AMBRA1: variants seen among roughly 807,000 people sequenced by gnomAD.
AMBRA1 encodes the protein activating molecule in BECN1-regulated autophagy protein 1.
In AMBRA1, 47 loss-of-function variants were observed where a neutral mutation model predicts 125.4. The observed-to-expected ratio is 0.37, with a 90% CI of 0.30 to 0.48. The LOEUF (loss-of-function observed/expected upper bound fraction) is 0.48, where lower values mean the gene tolerates loss of function less well. Ranked by LOEUF, AMBRA1 falls within the 20% of genes least tolerant of loss-of-function variation. AMBRA1 has a pLI of 0.99. For synonymous variants in AMBRA1, 626 were observed against 655.5 expected, an observed-to-expected ratio of 0.95 and a Z score of 0.69; for missense variants, 1,331 against 1,693.4, an observed-to-expected ratio of 0.79 and a Z score of 3.76.
intron 1 of AMBRA1, among the ~76,000 whole-genome samples, chr11:46,551,996 C>G (rs1166981996): frequency 1.3e-5 from 2 of 150,790 alleles, no homozygotes; most frequent in East Asian, 3.9e-4. Context: ...CCACTGCACT[C>G]CGGCCTGGGT....
At chr11:46,539,207 A>G (rs376142258) in intron 7 of AMBRA1, among the ~76,000 whole-genome samples, 4 of 152,186 alleles carry the variant, frequency 2.6e-5, no homozygotes, top group South Asian at 2.1e-4. Context: ...TCGTTTTTAT[A>G]TATGTTTGAA....
At chr11:46,524,670 T>A (rs759611371) in intron 7 of AMBRA1, among the ~76,000 whole-genome samples, 6 of 152,230 alleles carry the variant, frequency 3.9e-5, no homozygotes, top group Non-Finnish European at 7.4e-5. Context: ...TCAAGCACAG[T>A]AGCCAGTACA....
chr11:46,448,995 T>C (rs950822408), intron 11 of AMBRA1, among the ~76,000 whole-genome samples: 2 of 152,110 alleles, frequency 1.3e-5, no homozygotes. Flanking sequence ...TTCACTAAAT[T>C]CTACCAAACA....
At chr11:46,535,244 C>T (rs1952414041) in intron 7 of AMBRA1, among the ~76,000 whole-genome samples, 1 of 152,174 alleles carries the variant, frequency 6.6e-6, no homozygotes, top group African/African-American at 2.4e-5. Context: ...TGTATAGTAT[C>T]TTGAATACCA....
chr11:46,507,077 T>C (rs1590979080), intron 9 of AMBRA1, among the ~76,000 whole-genome samples: 1 of 138,426 alleles, frequency 7.2e-6, no homozygotes, highest in Non-Finnish European at 1.5e-5. Context: ...CTCCGGAGGC[T>C]GAGGCAAGAG....
At chr11:46,412,001 A>T (rs1356031284) in intron 15 of AMBRA1, among the ~76,000 whole-genome samples, 1 of 152,190 alleles carries the variant, frequency 6.6e-6, no homozygotes, top group Non-Finnish European at 1.5e-5. Flanking sequence ...GAAGGGAAAG[A>T]GCCACAGCCA....
At chr11:46,441,088 T>C (rs1947978832) in intron 12 of AMBRA1, among the ~76,000 whole-genome samples, 1 of 152,148 alleles carries the variant, frequency 6.6e-6, no homozygotes, top group Non-Finnish European at 1.5e-5. Context: ...GTTTATTGAA[T>C]TAGTAGACAA....
At position 46,494,207 on chromosome 11, in the gene AMBRA1, G is replaced by A; in HGVS notation, c.2340-3C>T. On this transcript the variant is annotated splice_polypyrimidine_tract_variant and splice_region_variant and intron_variant, in intron 9 of 17. Coordinates refer to ENST00000683756, the MANE Select transcript of AMBRA1 (RefSeq NM_001387011.1). ...GCCTGGATCTGTCACCATTGTCCCT[G>A]AAAAAAATAAAAACACTACACATAA... 6.3e-7 allele frequency: 1 copy of A among 1,595,706 alleles called. No homozygotes were observed. The highest frequency in any genetic ancestry group is 8.6e-7 in the Non-Finnish European group (1 of 1,169,448).
At chr11:46,492,409 T>C (rs1236816855) in intron 11 of AMBRA1, among the ~76,000 whole-genome samples, 3 of 152,204 alleles carry the variant, frequency 2.0e-5, no homozygotes, top group African/African-American at 7.2e-5. Flanking sequence ...ACTGCCTCAG[T>C]AGATCCCTCC....
chr11:46,576,375 G>A (rs564893207), intron 1 of AMBRA1, among the ~76,000 whole-genome samples: 13 of 152,204 alleles, frequency 8.5e-5, no homozygotes, highest in Admixed American at 4.6e-4. Context: ...AGATCCTCCC[G>A]CCTCAGACTC....
intron 1 of AMBRA1, among the ~76,000 whole-genome samples, chr11:46,574,591 G>A (rs548550427): frequency 3.4e-4 from 52 of 152,132 alleles, no homozygotes; most frequent in Admixed American, 5.9e-4. Context: ...AGTAGGTTGC[G>A]AAAGTTTGCA....
chr11:46,447,618 T>G (rs1003035480), intron 11 of AMBRA1, among the ~76,000 whole-genome samples: 8 of 151,708 alleles, frequency 5.3e-5, no homozygotes, highest in African/African-American at 1.9e-4. Flanking sequence ...GAGACTGAGG[T>G]GGGATAGCTT....
intron 9 of AMBRA1, among the ~76,000 whole-genome samples, chr11:46,501,635 T>C (rs1950843025): frequency 6.6e-6 from 1 of 152,266 alleles, no homozygotes; most frequent in Non-Finnish European, 1.5e-5. Context: ...AATTTTCACT[T>C]TGCAAACATC....
intron 9 of AMBRA1, among the ~76,000 whole-genome samples, chr11:46,503,325 A>G (rs1950915015): frequency 6.6e-6 from 1 of 152,204 alleles, no homozygotes; most frequent in Non-Finnish European, 1.5e-5. Flanking sequence ...GAAGAGGAAG[A>G]GAGATGGGGG....
Position 46,408,497 on chromosome 11 carries a change from G to A in AMBRA1, c.3403+16C>T, listed in dbSNP as rs886778667. ...GGGTCCCTCTCCCACCCCCTCCAGC[G>A]CCACATGGCTCCTACCTTCACCAGG... On this transcript the variant is annotated intron_variant, in intron 17 of 17. Coordinates refer to ENST00000683756, the MANE Select transcript of AMBRA1 (RefSeq NM_001387011.1). 8.0e-6 allele frequency: 12 copies of A among 1,508,782 alleles called. No homozygotes were observed. Among genetic ancestry groups the A allele is most frequent in the East Asian group, 4.8e-5 (2 of 41,558 alleles). The allele number at this position is 1,508,782 out of a possible 1,614,324, so 93.5% of individuals were successfully genotyped here.
At chr11:46,498,326 C>G (rs545368910) in intron 9 of AMBRA1, among the ~76,000 whole-genome samples, 26 of 152,248 alleles carry the variant, frequency 1.7e-4, no homozygotes, top group Middle Eastern at 6.8e-3. Flanking sequence ...CAGGGAAACA[C>G]CAGAGAAACC....
In AMBRA1 at chr11:46,512,825, T is replaced by TA. The variant is rs1445896214; in HGVS notation, c.2073-13dup. The TA allele has an allele frequency of 1.2e-6, 2 of 1,602,454 alleles. No individual in the cohort carries two copies. The highest frequency in any genetic ancestry group is 1.3e-5 in the African/African-American group (1 of 74,364). On this transcript the variant is annotated splice_polypyrimidine_tract_variant and intron_variant, in intron 7 of 17. Coordinates refer to ENST00000683756, the MANE Select transcript of AMBRA1 (RefSeq NM_001387011.1). ...ATTCCAGCAGCCTCCTAGCAGAGAT[T>TA]AAAAAAATGGCAATAATCCCTGTCA...
chr11:46,528,926 C>T (rs1238579815), intron 7 of AMBRA1, among the ~76,000 whole-genome samples: 1 of 152,094 alleles, frequency 6.6e-6, no homozygotes, highest in Non-Finnish European at 1.5e-5. Flanking sequence ...AGGAAAAAAG[C>T]AGAAGAGGCA....
chr11:46,586,988 A>G (rs1461715818), intron 1 of AMBRA1, among the ~76,000 whole-genome samples: 1 of 152,228 alleles, frequency 6.6e-6, no homozygotes, highest in Non-Finnish European at 1.5e-5. Context: ...CAGATGCTTC[A>G]TTATACTATA....
Sources: allele counts gnomAD v4.1 joint callset (sites outside exome capture counted in the v4.1 genomes callset), GRCh38; gene constraint gnomAD v4.1.1; transcripts MANE v1.5; gene names NCBI Gene and HGNC (gene_info 2026-07-23, HGNC 2026-07-21).